PDS5B: variants seen among roughly 807,000 people sequenced by gnomAD.
PDS5B encodes the protein PDS5 cohesin associated factor B, also known as sister chromatid cohesion protein PDS5 homolog B.
A neutral mutation model predicts 184.1 loss-of-function variants in PDS5B; 51 were observed. That is an observed-to-expected ratio of 0.28 (90% CI 0.22 to 0.35). The LOEUF (loss-of-function observed/expected upper bound fraction) is 0.35, where lower values mean the gene tolerates loss of function less well. Among genes scored for constraint, PDS5B ranks in the 10% least tolerant of loss-of-function variants. The pLI, the probability that PDS5B is intolerant of heterozygous loss-of-function variation, is 1.00. For missense variants in PDS5B, 1,180 were observed against 1,723.3 expected (o/e 0.68, Z 5.58); for synonymous variants, 566 against 569.2 (o/e 0.99, Z 0.08).
chr13:32,591,019 A>G (rs940621261), intron 1 of PDS5B, among the ~76,000 whole-genome samples: 5 of 152,120 alleles, frequency 3.3e-5, no homozygotes, highest in African/African-American at 1.2e-4. Context: ...TCCTCCCCCC[A>G]CAGGTAATCC....
At chr13:32,704,347 T>G in intron 17 of PDS5B, among the ~76,000 whole-genome samples, 1 of 152,212 alleles carries the variant, frequency 6.6e-6, no homozygotes, top group East Asian at 1.9e-4. Flanking sequence ...TTTTGTATTT[T>G]TAGTAGAAAT....
chr13:32,697,158 A>G (rs935870474), intron 15 of PDS5B, among the ~76,000 whole-genome samples: 1 of 152,244 alleles, frequency 6.6e-6, no homozygotes, highest in Non-Finnish European at 1.5e-5. Flanking sequence ...TGACTGACTG[A>G]AGCTAATTCA....
chr13:32,728,135 TTC>T (rs1952973756), intron 19 of PDS5B, among the ~76,000 whole-genome samples: 1 of 151,814 alleles, frequency 6.6e-6, no homozygotes, highest in Non-Finnish European at 1.5e-5. Context: ...TCTATTTGTG[TTC>T]TTTTTTTATA....
At chr13:32,715,036 A>G (rs1952330812) in intron 19 of PDS5B, among the ~76,000 whole-genome samples, 2 of 152,268 alleles carry the variant, frequency 1.3e-5, no homozygotes, top group Non-Finnish European at 2.9e-5. Flanking sequence ...ATAAATGTCC[A>G]TGAAACCTTT....
At chr13:32,667,650 C>A in intron 6 of PDS5B, 114 bp from the exon 7 acceptor site, 1 of 634,232 alleles carries the variant, frequency 1.6e-6, no homozygotes, top group South Asian at 2.3e-5. Context: ...CTCTTTTATT[C>A]CAATTGAGTC....
intron 1 of PDS5B, among the ~76,000 whole-genome samples, chr13:32,634,833 G>A (rs2058514589): frequency 6.6e-6 from 1 of 152,022 alleles, no homozygotes; most frequent in Non-Finnish European, 1.5e-5. Context: ...CACCCGCCTC[G>A]GCCTCCCAGA....
chr13:32,734,883 C>G (rs1953268758), intron 20 of PDS5B, among the ~76,000 whole-genome samples: 1 of 152,156 alleles, frequency 6.6e-6, no homozygotes, highest in South Asian at 2.1e-4. Flanking sequence ...AAACTATATG[C>G]TATGAAGTCT....
chr13:32,667,976 T>C, intron 7 of PDS5B, 132 bp downstream of exon 7: 1 of 454,336 alleles, frequency 2.2e-6, no homozygotes, highest in Admixed American at 4.2e-5. Context: ...CCTTAAGTAA[T>C]ATATTTTCTT....
intron 1 of PDS5B, among the ~76,000 whole-genome samples, chr13:32,638,984 A>T (rs567445496): frequency 6.6e-6 from 1 of 152,108 alleles, no homozygotes; most frequent in South Asian, 2.1e-4. Context: ...GCGGCGTTGT[A>T]CAAGAATGTG....
chr13:32,711,636 G>A (rs989792344), intron 19 of PDS5B, among the ~76,000 whole-genome samples: 14 of 152,042 alleles, frequency 9.2e-5, no homozygotes, highest in African/African-American at 3.4e-4. Flanking sequence ...GGGATTACAG[G>A]CATGAACCAC....
intron 1 of PDS5B, among the ~76,000 whole-genome samples, chr13:32,625,519 T>C (rs980276074): frequency 1.3e-5 from 2 of 152,222 alleles, no homozygotes; most frequent in Non-Finnish European, 2.9e-5. Flanking sequence ...TGTGCACCTC[T>C]TTTGGACTAT....
rs148014473 is a variant in PDS5B, at chr13:32,603,982, C to T, written c.-20+17389C>T. On this transcript the variant is annotated intron_variant, in intron 1 of 34. Transcript: ENST00000315596. ...AGCTTAAGGAGATTTCGGGCTGAGA[C>T]GATGGGGTTTTCTAAATATACAGTC... 4.5e-3 allele frequency among the ~76,000 whole-genome samples: 685 copies of T among 152,268 alleles called. 4 individuals carry two copies. The highest frequency in any genetic ancestry group is 7.4e-3 in the Non-Finnish European group (506 of 68,028).
At chr13:32,705,771 T>G (rs1014552504) in intron 17 of PDS5B, among the ~76,000 whole-genome samples, 7 of 152,182 alleles carry the variant, frequency 4.6e-5, no homozygotes, top group Admixed American at 4.6e-4. Context: ...CTTAAGCTAC[T>G]GTGCTTAAGT....
chr13:32,698,460 T>C (rs1202855273), intron 15 of PDS5B, among the ~76,000 whole-genome samples: 2 of 152,216 alleles, frequency 1.3e-5, no homozygotes, highest in East Asian at 3.8e-4. Flanking sequence ...TATGTAAACT[T>C]ATAAAAACAT....
chr13:32,609,389 C>G (rs1363186657), intron 1 of PDS5B, among the ~76,000 whole-genome samples: 1 of 151,876 alleles, frequency 6.6e-6, no homozygotes, highest in South Asian at 2.1e-4. Context: ...TATTAGAGTT[C>G]TTACTTCTGC....
intron 13 of PDS5B, among the ~76,000 whole-genome samples, chr13:32,692,389 A>G (rs966339992): frequency 9.4e-6 from 1 of 106,542 alleles, no homozygotes; most frequent in Non-Finnish European, 2.0e-5. Flanking sequence ...CTTCTCTTTT[A>G]TTAAACAAGT....
intron 31 of PDS5B, among the ~76,000 whole-genome samples, chr13:32,765,964 A>T (rs1450689501): frequency 6.6e-6 from 1 of 152,234 alleles, no homozygotes; most frequent in African/African-American, 2.4e-5. Flanking sequence ...TACGATGTTT[A>T]TTGGCTGTTT....
At chr13:32,620,033 A>G (rs897875674) in intron 1 of PDS5B, among the ~76,000 whole-genome samples, 7 of 152,108 alleles carry the variant, frequency 4.6e-5, no homozygotes, top group African/African-American at 1.7e-4. Context: ...TTCTGACCTC[A>G]GGTGATCCAC....
Position 32,696,859 on chromosome 13 carries a change from T to A in PDS5B, c.1557T>A (p.Asp519Glu), listed in dbSNP as rs756348587. The A allele has an allele frequency of 1.3e-6, 2 of 1,598,706 alleles. No individual in the cohort carries two copies. The highest frequency in any genetic ancestry group is 1.1e-5 in the South Asian group (1 of 89,226). Residue 519 changes from aspartate (D) to glutamate (E), a missense_variant, in exon 15 of 35, where the codon GAT (aspartate) becomes GAA (glutamate). This residue lies in a region of PDS5B where 475 missense variants were observed against 691.5 expected (regional missense o/e 0.69). Coordinates refer to ENST00000315596, the MANE Select transcript of PDS5B (RefSeq NM_015032.4). ...TTTTTTTGTGTGATTTACAGACAGA[T>A]GCCAGTGTCAAGGCCATATTTTCAA... ...LLDLIKQPKT[D>E]ASVKAIFSKV...
Sources: allele counts gnomAD v4.1 joint callset (sites outside exome capture counted in the v4.1 genomes callset), GRCh38; gene constraint gnomAD v4.1.1; regional missense constraint gnomAD v4.1.1; transcripts MANE v1.5; gene names NCBI Gene and HGNC (gene_info 2026-07-23, HGNC 2026-07-21).